ACADM: variants seen among roughly 807,000 people sequenced by gnomAD.
The protein encoded by ACADM is acyl-CoA dehydrogenase medium chain, also known as medium-chain specific acyl-CoA dehydrogenase, mitochondrial.
ACADM carries 49 observed loss-of-function variants against 58.9 expected under a neutral mutation model. That is an observed-to-expected ratio of 0.83 (90% confidence interval 0.66 to 1.06). ACADM has a LOEUF of 1.06. Among genes scored for constraint, ACADM ranks in the 50% least tolerant of loss-of-function variants. ACADM has a pLI of 0.00. For missense variants in ACADM, 496 were observed against 507.0 expected (o/e 0.98, Z 0.21); for synonymous variants, 160 against 157.7 (o/e 1.01, Z -0.11).
intron 10 of ACADM, chr1:75,754,816 C>G (rs1018839590): frequency 6.6e-6 from 1 of 152,340 alleles, no homozygotes; most frequent in Non-Finnish European, 1.5e-5. Flanking sequence ...CAGGTCATCA[C>G]CTCACCCAGG....
rs138220397 is a variant in ACADM at position 75,726,924 on chromosome 1, C to T, written c.31-1477C>T. Among the ~76,000 whole-genome samples, 234 of 151,538 alleles carry T rather than the reference C, an allele frequency of 1.5e-3. 2 individuals carry two copies. Among genetic ancestry groups the T allele is most frequent in the African/African-American group, 5.4e-3 (223 of 41,258 alleles). ...GGTTCAAGCGATTCTCCTGCCTCAG[C>T]GTCCCGAGTAGCTGGGACTACAGGT... On this transcript the variant is annotated intron_variant, in intron 1 of 11. Transcript: ENST00000370841.
At chr1:75,729,295 C>CTTTTTTTTTTTTTTTTT (rs35372302) in intron 2 of ACADM, among the ~76,000 whole-genome samples, 2 of 85,342 alleles carry the variant, frequency 2.3e-5, no homozygotes, top group African/African-American at 5.1e-5. Flanking sequence ...TTTCTTTTTT[C>CTTTTTTTTTTTTTTTTT]TTTTTTTTTT....
intron 10 of ACADM, among the ~76,000 whole-genome samples, chr1:75,753,998 G>A (rs1179253568): frequency 1.4e-5 from 2 of 141,094 alleles, no homozygotes; most frequent in Non-Finnish European, 3.0e-5. Flanking sequence ...GTTTTGCCAT[G>A]TTACCTAGGC....
intron 11 of ACADM, 120 bp from the exon 12 acceptor site, chr1:75,762,572 A>G: frequency 1.5e-6 from 1 of 683,950 alleles, no homozygotes; most frequent in South Asian, 1.6e-5. Context: ...TACAGACCCT[A>G]TATATGGTTT....
At chr1:75,726,147 G>A (rs2100339564) in intron 1 of ACADM, among the ~76,000 whole-genome samples, 1 of 152,242 alleles carries the variant, frequency 6.6e-6, no homozygotes, top group East Asian at 1.9e-4. Flanking sequence ...GCGGCTCACG[G>A]TTGTGATCCT....
intron 7 of ACADM, chr1:75,743,444 G>C: frequency 6.2e-7 from 1 of 1,610,552 alleles, no homozygotes; most frequent in Admixed American, 1.7e-5. Flanking sequence ...AGGACTCTGG[G>C]ATCCTCTACC....
chr1:75,749,029 C>T lies in ACADM; in HGVS notation c.709-390C>T, dbSNP rs764975984. ...CATGGTAAAATAGATAGCTTTCAAA[C>T]ATATAATGAGATTTGTCTTTGTTGA... On this transcript the variant is annotated intron_variant, in intron 8 of 11. Coordinates refer to ENST00000370841, the MANE Select transcript of ACADM (RefSeq NM_000016.6). 5.3e-5 allele frequency among the ~76,000 whole-genome samples: 8 copies of T among 152,172 alleles called. 1 individual carries two copies. The highest frequency in any genetic ancestry group is 8.8e-5 in the Non-Finnish European group (6 of 68,038).
intron 11 of ACADM, 86 bp from the exon 12 acceptor site, chr1:75,762,588 GGTTTTATATTACAACACA>G (rs1648911902): frequency 1.3e-6 from 1 of 751,400 alleles, no homozygotes; most frequent in Admixed American, 2.1e-5. Flanking sequence ...GGTTTGATTC[GGTTTTATATTACAACACA>G]GCTTATGCTA....
chr1:75,755,805 A>G (rs1648473897), intron 10 of ACADM, among the ~76,000 whole-genome samples: 1 of 152,108 alleles, frequency 6.6e-6, no homozygotes, highest in African/African-American at 2.4e-5. Context: ...GGTAATAACA[A>G]ACTTCTCCGA....
chr1:75,728,396 T>C lies in ACADM; in HGVS notation c.31-5T>C, dbSNP rs756654520. The stretch of plus-strand genomic sequence containing the variant: ...AATTTATTTTAATAAAAGTGTTCTT[T>C]ACAGGTCCTGAGAAGTATTTCTCGT... On this transcript the variant is annotated splice_polypyrimidine_tract_variant and splice_region_variant and intron_variant, in intron 1 of 11. Coordinates refer to ENST00000370841, the MANE Select transcript of ACADM (RefSeq NM_000016.6). 9 of 1,609,870 alleles carry C rather than the reference T, an allele frequency of 5.6e-6. No individual in the cohort carries two copies. Among genetic ancestry groups the C allele is most frequent in the Non-Finnish European group, 7.6e-6 (9 of 1,177,146 alleles).
rs540430510 is a variant in ACADM, at chr1:75,749,813, A to G, written c.849+254A>G. 1.9e-3 allele frequency among the ~76,000 whole-genome samples: 280 copies of G among 149,356 alleles called. 1 individual carries two copies. Among genetic ancestry groups the G allele is most frequent in the African/African-American group, 6.5e-3 (264 of 40,540 alleles). The stretch of plus-strand genomic sequence containing the variant: ...TTGCAACCTTCACGTCCTGGGTTCA[A>G]GAGATTCTCCTGCCTTAGCCTCATG... On this transcript the variant is annotated intron_variant, in intron 9 of 11. Coordinates refer to ENST00000370841, the MANE Select transcript of ACADM (RefSeq NM_000016.6).
At chr1:75,734,031 G>A (rs961780639) in intron 5 of ACADM, among the ~76,000 whole-genome samples, 4 of 152,154 alleles carry the variant, frequency 2.6e-5, no homozygotes, top group Admixed American at 6.6e-5. Flanking sequence ...TGTCGCCCAG[G>A]CTGGAGTGTA....
At chr1:75,737,794 AT>A (rs200529519) in intron 6 of ACADM, among the ~76,000 whole-genome samples, 57 of 149,112 alleles carry the variant, frequency 3.8e-4, no homozygotes, top group East Asian at 2.6e-3. Flanking sequence ...AGAACCTGTC[AT>A]TTTTTTTTTT....
chr1:75,736,307 G>T (rs2173378), intron 6 of ACADM, among the ~76,000 whole-genome samples: 56,883 of 151,858 alleles, frequency 0.37, 11,688 homozygotes, highest in African/African-American at 0.55. Context: ...TACAGTAGAT[G>T]TATTAGTTTT....
chr1:75,761,073 T>A, intron 10 of ACADM, 49 bp from the exon 11 acceptor site: 7 of 1,564,940 alleles, frequency 4.5e-6, no homozygotes, highest in Non-Finnish European at 6.1e-6. Flanking sequence ...GAAAAAACTT[T>A]TAAGTTTTCT....
In ACADM at chr1:75,760,544, C is replaced by CAAAAAAA. The variant is rs59063908; in HGVS notation, c.946-548_946-542dup. ...TGGAAAACAAAGTGAGACCCTGTCT[C>CAAAAAAA]AAAAAAAAAAAAAAAAAAAAAAAAA... is the stretch of plus-strand genomic sequence containing the variant. On this transcript the variant is annotated intron_variant, in intron 10 of 11. Transcript: ENST00000370841. 3.9e-4 allele frequency among the ~76,000 whole-genome samples: 14 copies of CAAAAAAA among 35,486 alleles called. 2 individuals carry two copies. The highest frequency in any genetic ancestry group is 5.5e-4 in the Non-Finnish European group (9 of 16,386). 23.3% of individuals were successfully genotyped at this position (35,486 alleles called of 152,430 possible).
chr1:75,726,811 T>C (rs1047539336), intron 1 of ACADM, among the ~76,000 whole-genome samples: 19 of 149,448 alleles, frequency 1.3e-4, no homozygotes, highest in South Asian at 6.4e-4. Context: ...TTTTTTTTTT[T>C]TTTTTTTTTT....
At chr1:75,762,090 G>A (rs1557467551) in intron 11 of ACADM, among the ~76,000 whole-genome samples, 1 of 152,152 alleles carries the variant, frequency 6.6e-6, no homozygotes, top group Non-Finnish European at 1.5e-5. Context: ...AAAGTCACAG[G>A]TTTATGTGGT....
intron 7 of ACADM, 146 bp downstream of exon 7, chr1:75,740,256 G>A (rs1647494390): frequency 2.6e-6 from 2 of 779,070 alleles, no homozygotes; most frequent in Non-Finnish European, 4.1e-6. Context: ...ACAGTTCAGT[G>A]ATTTTCAAAA....
Sources: gnomAD v4.1 joint callset for allele counts (sites outside exome capture counted in the v4.1 genomes callset) on GRCh38, gnomAD v4.1.1 for gene constraint, MANE v1.5 for transcripts, NCBI Gene and HGNC (gene_info 2026-07-23, HGNC 2026-07-21) for gene names.